GPM6B: variants seen among roughly 807,000 people sequenced by gnomAD.
The protein encoded by GPM6B is glycoprotein M6B, also known as neuronal membrane glycoprotein M6-b.
GPM6B carries 4 observed loss-of-function variants against 27.2 expected under a neutral mutation model. The ratio of observed to expected loss-of-function variants is 0.15; its 90% CI spans 0.07 to 0.34. The LOEUF (loss-of-function observed/expected upper bound fraction) is 0.34, where lower values mean the gene tolerates loss of function less well. Among genes scored for constraint, GPM6B ranks in the 10% least tolerant of loss-of-function variants. GPM6B has a pLI of 1.00. For synonymous variants in GPM6B, 124 were observed against 103.1 expected, an observed-to-expected ratio of 1.20 and a Z score of -1.23; for missense variants, 183 against 261.9, an observed-to-expected ratio of 0.70 and a Z score of 2.08.
intron 1 of GPM6B, among the ~76,000 whole-genome samples, chrX:13,854,355 T>G: frequency 8.9e-6 from 1 of 112,227 alleles, no homozygotes; most frequent in Non-Finnish European, 1.9e-5. Flanking sequence ...TTCATAGATT[T>G]TCATGAAAGA....
intron 1 of GPM6B, among the ~76,000 whole-genome samples, chrX:13,921,662 G>A (rs927346105): frequency 4.9e-5 from 5 of 101,111 alleles, no homozygotes; most frequent in South Asian, 1.0e-3. Context: ...TGCAACCTCC[G>A]CCTCGCGAGT....
intron 1 of GPM6B, among the ~76,000 whole-genome samples, chrX:13,866,777 G>A (rs758471677): frequency 8.9e-6 from 1 of 112,024 alleles, no homozygotes; most frequent in South Asian, 3.8e-4. Context: ...ATGAATTTTA[G>A]CATTATAGTG....
intron 2 of GPM6B, 94 bp downstream of exon 2, chrX:13,807,556 A>C (rs745451856): frequency 1.4e-6 from 1 of 738,987 alleles, no homozygotes; most frequent in African/African-American, 2.1e-5. Flanking sequence ...ACCAAGCAAA[A>C]CATAAAATAT....
At chrX:13,881,480 C>G (rs2050097139) in intron 1 of GPM6B, among the ~76,000 whole-genome samples, 1 of 107,337 alleles carries the variant, frequency 9.3e-6, no homozygotes, top group Non-Finnish European at 1.9e-5. Flanking sequence ...TCACTGCACC[C>G]CGGCCTGGGT....
intron 1 of GPM6B, among the ~76,000 whole-genome samples, chrX:13,859,604 A>C (rs1186594403): frequency 9.1e-6 from 1 of 110,472 alleles, no homozygotes; most frequent in Non-Finnish European, 1.9e-5. Flanking sequence ...TATATATGCA[A>C]TAGAACTACC....
chrX:13,865,460 G>A (rs149406275), intron 1 of GPM6B, among the ~76,000 whole-genome samples: 291 of 99,390 alleles, frequency 2.9e-3, no homozygotes, highest in African/African-American at 0.01. Context: ...AGCCAGGCAC[G>A]GTGGTTCATG....
chrX:13,885,367 A>C (rs2050124706), intron 1 of GPM6B, among the ~76,000 whole-genome samples: 1 of 112,547 alleles, frequency 8.9e-6, no homozygotes, highest in South Asian at 3.7e-4. Flanking sequence ...ATAGATGTTC[A>C]GGAAGTTTAA....
intron 1 of GPM6B, among the ~76,000 whole-genome samples, chrX:13,876,804 G>A (rs772361803): frequency 9.0e-6 from 1 of 110,564 alleles, no homozygotes; most frequent in Non-Finnish European, 1.9e-5. Context: ...CTGTATGTCC[G>A]ACTTGAGTGG....
intron 1 of GPM6B, among the ~76,000 whole-genome samples, chrX:13,919,989 C>G (rs752758153): frequency 9.0e-6 from 1 of 110,800 alleles, no homozygotes; most frequent in Admixed American, 9.6e-5. Context: ...AGAGGCCAGG[C>G]GCAGGTGCTC....
intron 1 of GPM6B, among the ~76,000 whole-genome samples, chrX:13,866,123 A>G (rs759150274): frequency 1.8e-3 from 196 of 111,728 alleles, no homozygotes; most frequent in African/African-American, 5.9e-3. Context: ...CAGCACTTTG[A>G]GAGGCTGAGG....
chrX:13,868,448 A>G (rs1165238195), intron 1 of GPM6B, among the ~76,000 whole-genome samples: 1 of 111,687 alleles, frequency 9.0e-6, no homozygotes. Flanking sequence ...TTTTTCTTGC[A>G]TTTCCTTATA....
intron 1 of GPM6B, among the ~76,000 whole-genome samples, chrX:13,848,798 C>T (rs1471706839): frequency 1.8e-5 from 2 of 112,379 alleles, no homozygotes; most frequent in Non-Finnish European, 3.8e-5. Flanking sequence ...TGAATGTTCA[C>T]AGAATCTAAG....
At chrX:13,805,988 G>A (rs200593746) in intron 2 of GPM6B, among the ~76,000 whole-genome samples, 1 of 108,927 alleles carries the variant, frequency 9.2e-6, no homozygotes, top group East Asian at 2.8e-4. Context: ...GGTTTTTTTT[G>A]CTGCTTTTTT....
intron 5 of GPM6B, among the ~76,000 whole-genome samples, chrX:13,777,915 A>G (rs765541709): frequency 7.1e-5 from 8 of 112,277 alleles, no homozygotes; most frequent in African/African-American, 2.3e-4. Context: ...TTTCATGGCA[A>G]TTTGACGGAG....
At chrX:13,797,349 T>C (rs2048836312) in intron 2 of GPM6B, among the ~76,000 whole-genome samples, 1 of 110,869 alleles carries the variant, frequency 9.0e-6, no homozygotes, top group South Asian at 3.8e-4. Context: ...ACAGATCTCT[T>C]TGGTTGGTGT....
intron 1 of GPM6B, among the ~76,000 whole-genome samples, chrX:13,808,640 A>G (rs918802604): frequency 9.0e-6 from 1 of 111,486 alleles, no homozygotes; most frequent in Non-Finnish European, 1.9e-5. Flanking sequence ...ATAAGGGGTT[A>G]TATCCTCTGG....
At chrX:13,931,444 C>T (rs1180485477) in intron 1 of GPM6B, among the ~76,000 whole-genome samples, 5 of 107,901 alleles carry the variant, frequency 4.6e-5, no homozygotes, top group South Asian at 4.1e-4. Context: ...GCCGAGATCG[C>T]ACCACTGCAC....
intron 1 of GPM6B, among the ~76,000 whole-genome samples, chrX:13,871,114 C>CAAA (rs372420351): frequency 2.1e-5 from 2 of 95,126 alleles, no homozygotes; most frequent in East Asian, 7.4e-4. Flanking sequence ...CAAAACAAAA[C>CAAA]AAAAAAAAAA....
intron 1 of GPM6B, among the ~76,000 whole-genome samples, chrX:13,823,011 T>G (rs1003227246): frequency 8.9e-6 from 1 of 112,083 alleles, no homozygotes; most frequent in African/African-American, 3.2e-5. Context: ...GACTTTGTCC[T>G]CCATTACCGG....
Sources: allele counts gnomAD v4.1 joint callset (sites outside exome capture counted in the v4.1 genomes callset), GRCh38; gene constraint gnomAD v4.1.1; transcripts MANE v1.5; gene names NCBI Gene and HGNC (gene_info 2026-07-23, HGNC 2026-07-21).